The following ZNF730 variants were observed in gnomAD, a reference collection of about 807,000 sequenced individuals.
ZNF730 encodes the protein putative zinc finger protein 730.
A neutral mutation model predicts 12.6 loss-of-function variants in ZNF730; 12 were observed. That is an observed-to-expected ratio of 0.95 (90% CI 0.61 to 1.54). The LOEUF (loss-of-function observed/expected upper bound fraction) is 1.54. Ranked by LOEUF, ZNF730 falls within the 40% of genes most tolerant of loss-of-function variation. The pLI is 0.00. For missense variants in ZNF730, 643 were observed against 583.5 expected (o/e 1.10, Z -1.05); for synonymous variants, 194 against 195.8 (o/e 0.99, Z 0.08).
At chr19:23,127,247 GT>G in intron 1 of ZNF730, 1 of 650,640 alleles carries the variant, frequency 1.5e-6, no homozygotes, top group Non-Finnish European at 2.9e-6. Flanking sequence ...AAATCTTCAA[GT>G]TTCTCTTTTT....
At chr19:23,095,552 C>T (rs1261309878) in intron 1 of ZNF730, 1 of 397,548 alleles carries the variant, frequency 2.5e-6, no homozygotes, top group Non-Finnish European at 4.4e-6. Flanking sequence ...AGATTCTGCC[C>T]TCAGAGGACA....
chr19:23,129,223 G>A (rs1970711632), intron 1 of ZNF730, among the ~76,000 whole-genome samples: 1 of 152,210 alleles, frequency 6.6e-6, no homozygotes, highest in Non-Finnish European at 1.5e-5. Context: ...GCACCGCCTA[G>A]TGGAGCTGTG....
chr19:23,128,744 C>T (rs1364075004), intron 1 of ZNF730, among the ~76,000 whole-genome samples: 1 of 152,146 alleles, frequency 6.6e-6, no homozygotes, highest in Non-Finnish European at 1.5e-5. Context: ...AATAGAAAAC[C>T]TCATTTTTTG....
At chr19:23,107,445 A>G (rs1599582286) in intron 1 of ZNF730, among the ~76,000 whole-genome samples, 1 of 108,294 alleles carries the variant, frequency 9.2e-6, no homozygotes, top group Non-Finnish European at 1.9e-5. Context: ...TAAAAAAAAA[A>G]TACCAAAAAA....
chr19:23,083,178 C>T (rs1033586372), intron 1 of ZNF730, among the ~76,000 whole-genome samples: 2 of 151,866 alleles, frequency 1.3e-5, no homozygotes, highest in Non-Finnish European at 2.9e-5. Context: ...GTAATTCCAG[C>T]ACTTTGGGAG....
intron 1 of ZNF730, among the ~76,000 whole-genome samples, chr19:23,078,489 G>C (rs1010990753): frequency 5.3e-5 from 8 of 152,060 alleles, no homozygotes; most frequent in African/African-American, 1.9e-4. Context: ...TTATGACACA[G>C]AGATATTTGT....
chr19:23,141,162 AG>A (rs1970912337), intron 3 of ZNF730, among the ~76,000 whole-genome samples: 1 of 152,112 alleles, frequency 6.6e-6, no homozygotes, highest in African/African-American at 2.4e-5. Flanking sequence ...TGGGACGCCG[AG>A]GTGGGTGGAT....
At chr19:23,140,912 A>G (rs1191960301) in intron 3 of ZNF730, among the ~76,000 whole-genome samples, 1 of 152,020 alleles carries the variant, frequency 6.6e-6, no homozygotes, top group Non-Finnish European at 1.5e-5. Context: ...AGATTTTGCC[A>G]CTACACTCTA....
chr19:23,107,451 A>AAAAAAAAAAAC (rs1303638382), intron 1 of ZNF730, among the ~76,000 whole-genome samples: 1 of 29,646 alleles, frequency 3.4e-5, no homozygotes, highest in African/African-American at 6.6e-5. Flanking sequence ...AAAAATACCA[A>AAAAAAAAAAAC]AAAAAAAAAA....
chr19:23,078,387 G>A (rs1177987712), intron 1 of ZNF730, among the ~76,000 whole-genome samples: 2 of 152,166 alleles, frequency 1.3e-5, no homozygotes, highest in African/African-American at 4.8e-5. Context: ...CCTTAAGGCT[G>A]CAGGTGAGAC....
At chr19:23,101,401 C>T (rs1179872798) in intron 1 of ZNF730, among the ~76,000 whole-genome samples, 6 of 152,252 alleles carry the variant, frequency 3.9e-5, no homozygotes, top group Non-Finnish European at 8.8e-5. Flanking sequence ...TTCCTGCCCA[C>T]ATTCTGTCAA....
intron 1 of ZNF730, among the ~76,000 whole-genome samples, chr19:23,086,980 G>A (rs1184494257): frequency 6.6e-6 from 1 of 152,116 alleles, no homozygotes; most frequent in African/African-American, 2.4e-5. Flanking sequence ...GTGGTTTGTA[G>A]TTCTCCTTGT....
chr19:23,133,959 TAATTTCAGTCACCCCTATAAGTAAGACCC>T, intron 1 of ZNF730, 92 bp from the exon 2 acceptor site: 1 of 1,157,540 alleles, frequency 8.6e-7, no homozygotes, highest in Non-Finnish European at 1.2e-6. Flanking sequence ...GGTTATTAGA[TAATTTCAGTCACCCCTATAAGTAAGACCC>T]AATTATATTT....
intron 1 of ZNF730, chr19:23,095,659 C>T: frequency 2.6e-6 from 1 of 385,538 alleles, no homozygotes; most frequent in Non-Finnish European, 4.6e-6. Context: ...GGGCCCAGAG[C>T]CAATGTGATG....
intron 1 of ZNF730, chr19:23,128,079 T>C: frequency 1.3e-6 from 1 of 789,456 alleles, no homozygotes; most frequent in Middle Eastern, 3.5e-4. Flanking sequence ...GCACTGATGG[T>C]CAGCCAAGTG....
rs57748615 is a variant in ZNF730, at chr19:23,135,221, T to TAA, written c.131-690_131-689dup. 1.3e-4 allele frequency among the ~76,000 whole-genome samples: 5 copies of TAA among 38,820 alleles called. 2 individuals are homozygous for TAA. The highest frequency in any genetic ancestry group is 8.1e-4 in the Admixed American group (2 of 2,454). The allele number at this position is 38,820 out of a possible 152,430, so 25.5% of individuals were successfully genotyped here. On this transcript the variant is annotated intron_variant, in intron 2 of 3. Transcript: ENST00000597761. ...GCGAGAAACACCCAAGAATGATCAATAAAAAAAAAAAAAAAAAAAAAAAAA... is the reference window on the plus strand; with the variant it reads ...GCGAGAAACACCCAAGAATGATCAATAAAAAAAAAAAAAAAAAAAAAAAAAAA...
At chr19:23,126,682 C>A (rs1431257235) in intron 1 of ZNF730, 2 of 474,392 alleles carry the variant, frequency 4.2e-6, no homozygotes, top group East Asian at 1.1e-4. Flanking sequence ...TTTCTGAATG[C>A]AGCAATGCTT....
At chr19:23,081,993 G>A (rs548052798) in intron 1 of ZNF730, among the ~76,000 whole-genome samples, 1 of 152,202 alleles carries the variant, frequency 6.6e-6, no homozygotes, top group Non-Finnish European at 1.5e-5. Context: ...TAATTCTCTT[G>A]TCTCAGTCTT....
chr19:23,139,395 A>T (rs1970881740), intron 3 of ZNF730, among the ~76,000 whole-genome samples: 1 of 152,200 alleles, frequency 6.6e-6, no homozygotes, highest in African/African-American at 2.4e-5. Flanking sequence ...TCTTCTATTT[A>T]TAATTATACT....
Sources: allele counts gnomAD v4.1 joint callset (sites outside exome capture counted in the v4.1 genomes callset), GRCh38; gene constraint gnomAD v4.1.1; transcripts MANE v1.5; gene names NCBI Gene and HGNC (gene_info 2026-07-23, HGNC 2026-07-21).